The following ZKSCAN8 variants were observed in gnomAD, a reference collection of about 807,000 sequenced individuals.
The protein encoded by ZKSCAN8 is zinc finger with KRAB and SCAN domains 8.
ZKSCAN8 carries 27 observed loss-of-function variants against 57.2 expected under a neutral mutation model. That is an observed-to-expected ratio of 0.47 (90% confidence interval 0.35 to 0.65). The LOEUF (loss-of-function observed/expected upper bound fraction) is 0.65. Among genes scored for constraint, ZKSCAN8 ranks in the 30% least tolerant of loss-of-function variants. The probability of loss-of-function intolerance (pLI) is 0.01; values close to 1 mark genes in which losing one functional copy is unlikely to be tolerated. For missense variants in ZKSCAN8, 597 were observed against 696.3 expected, an observed-to-expected ratio of 0.86 and a Z score of 1.60; for synonymous variants, 214 against 248.7, an observed-to-expected ratio of 0.86 and a Z score of 1.31.
In ZKSCAN8 at chr6:28,152,567, C is replaced by T. The variant is rs181235078; in HGVS notation, c.775+183C>T. Among the ~76,000 whole-genome samples the T allele has an allele frequency of 3.6e-4, 51 of 143,206 alleles. No homozygotes were observed. In the East Asian group the frequency reaches 8.7e-3, roughly 24 times the overall value. 93.9% of individuals were successfully genotyped at this position (143,206 alleles called of 152,430 possible). On this transcript the variant is annotated intron_variant, in intron 5 of 5. Coordinates refer to ENST00000330236, the MANE Select transcript of ZKSCAN8 (RefSeq NM_006298.4). ...ACTTTTGTTCTCCTGTCCAGAACTT[C>T]CTTACATTTTGTACCAGGGTACTGG...
At chr6:28,149,419 T>C in intron 2 of ZKSCAN8, 64 bp from the exon 3 acceptor site, 1 of 1,593,926 alleles carries the variant, frequency 6.3e-7, no homozygotes, top group Non-Finnish European at 8.6e-7. Flanking sequence ...TTCGTGGTCC[T>C]CTTTCATTGT....
intron 1 of ZKSCAN8, among the ~76,000 whole-genome samples, chr6:28,142,580 A>G (rs565865180): frequency 2.0e-5 from 3 of 151,844 alleles, no homozygotes; most frequent in Non-Finnish European, 4.4e-5. Context: ...CATTATCAGA[A>G]TGCCTATTTC....
chr6:28,142,739 G>T lies in ZKSCAN8; in HGVS notation c.-93+710G>T, dbSNP rs373085837. Among the ~76,000 whole-genome samples the T allele has an allele frequency of 2.0e-3, 297 of 152,186 alleles. 1 individual carries two copies. Among genetic ancestry groups the T allele is most frequent in the African/African-American group, 5.5e-3 (227 of 41,510 alleles). On this transcript the variant is annotated intron_variant, in intron 1 of 5. Transcript: ENST00000330236. ...CATATTTCTGTTGTTTGTTAGTTCCGTTGAGTATATTTACGTAGCAATCAT... is the reference window on the plus strand; with the variant it reads ...CATATTTCTGTTGTTTGTTAGTTCCTTTGAGTATATTTACGTAGCAATCAT...
chr6:28,150,459 G>C (rs1339654862), intron 3 of ZKSCAN8, among the ~76,000 whole-genome samples: 6 of 152,096 alleles, frequency 3.9e-5, no homozygotes, highest in Non-Finnish European at 8.8e-5. Flanking sequence ...TATCTTTGAT[G>C]ACTTGGTTAA....
chr6:28,156,174 TAC>T lies in ZKSCAN8; in HGVS notation c.*2172_*2173del, dbSNP rs146825871. The T allele has an allele frequency of 2.7e-3, 897 of 326,806 alleles. 7 individuals carry two copies. Among genetic ancestry groups the T allele is most frequent in the African/African-American group, 0.013 (616 of 46,304 alleles). 20.2% of individuals were successfully genotyped at this position (326,806 alleles called of 1,614,324 possible). On this transcript the variant is annotated 3_prime_UTR_variant, in exon 6 of 6. Coordinates refer to ENST00000330236, the MANE Select transcript of ZKSCAN8 (RefSeq NM_006298.4). ...ATATGTGTATGTACACATGTGTATG[TAC>T]ACACACACACACACCTGCCATACAC...
At position 28,154,125 on chromosome 6, in the gene ZKSCAN8, G is replaced by T; in HGVS notation, c.*108G>T. ...GCAGAAAGGTCATCACAACTTTAGT[G>T]TCAGAATCTATAGTGGTGGCAAAGT... On this transcript the variant is annotated 3_prime_UTR_variant, in exon 6 of 6. Coordinates refer to ENST00000330236, the MANE Select transcript of ZKSCAN8 (RefSeq NM_006298.4). The T allele has an allele frequency of 6.8e-7, 1 of 1,467,054 alleles. No individual in the cohort carries two copies. Among genetic ancestry groups the T allele is most frequent in the Non-Finnish European group, 9.0e-7 (1 of 1,106,338 alleles). 90.9% of individuals were successfully genotyped at this position (1,467,054 alleles called of 1,614,324 possible). A position where few individuals can be genotyped will look rare whatever the true frequency, so the allele number is the denominator to read the frequency against.
At chr6:28,151,021 G>A (rs896117361) in intron 3 of ZKSCAN8, among the ~76,000 whole-genome samples, 13 of 152,080 alleles carry the variant, frequency 8.5e-5, no homozygotes, top group African/African-American at 3.1e-4. Flanking sequence ...GGCCAGGCTG[G>A]TCTCGAACTC....
At position 28,149,493 on chromosome 6, in the gene ZKSCAN8, G is replaced by A. The variant is rs1259018602; in HGVS notation, c.428G>A (p.Arg143His). The change falls in exon 3 of 6, where the codon CGC (arginine) becomes CAC (histidine). Residue 143 changes from arginine (R) to histidine (H), a missense_variant. By Grantham distance (29) the Arg-to-His change is conservative. Transcript: ENST00000330236. ...IDILGRPVSA[R>H]VHGHRVLWEE... ...GTCTGTTGTTTCCAGGTCTCAGCTC[G>A]CGTACATGGACATAGGGTACTCTGG... 10 of 1,613,644 alleles carry A rather than the reference G, an allele frequency of 6.2e-6. No homozygotes were observed. The highest frequency in any genetic ancestry group is 2.7e-5 in the African/African-American group (2 of 74,966).
At position 28,154,571 on chromosome 6, in the gene ZKSCAN8, T is replaced by C. The variant is rs6932313; in HGVS notation, c.*554T>C. ...AAGTGTGCATTTTTTTATTCTAATA[T>C]TCCTTCTAGTCAGTGGAAATTTGTA... On this transcript the variant is annotated 3_prime_UTR_variant, in exon 6 of 6. Transcript: ENST00000330236. 4,796 of 152,578 alleles carry C rather than the reference T, an allele frequency of 0.031. 194 individuals carry two copies. The highest frequency in any genetic ancestry group is 0.094 in the African/African-American group (3,906 of 41,538). 9.5% of individuals were successfully genotyped at this position (152,578 alleles called of 1,614,324 possible).
Position 28,144,067 on chromosome 6 carries a change from A to G in ZKSCAN8, c.-93+2038A>G, listed in dbSNP as rs547000775. ...CCAATGTTAATTGATATATTTAACC[A>G]TATCTTTTGCTCCTTGGTTCTTCTG... is the stretch of plus-strand genomic sequence containing the variant. On this transcript the variant is annotated intron_variant, in intron 1 of 5. Transcript: ENST00000330236. This position sits in a 1 kb window ranked among gnomAD's most constrained non-coding sequence, Gnocchi z 4.5. Among the ~76,000 whole-genome samples the G allele has an allele frequency of 6.6e-6, 1 of 152,134 alleles. No individual in the cohort carries two copies. Among genetic ancestry groups the G allele is most frequent in the Non-Finnish European group, 1.5e-5 (1 of 68,018 alleles).
At chr6:28,143,366 G>C (rs1037659756) in intron 1 of ZKSCAN8, among the ~76,000 whole-genome samples, 16 of 152,264 alleles carry the variant, frequency 1.1e-4, no homozygotes, top group African/African-American at 2.6e-4. Flanking sequence ...GGCTGATTTG[G>C]TATAAAAAAT....
Position 28,153,504 on chromosome 6 carries a change from C to A in ZKSCAN8, c.1224C>A (p.Cys408Ter). The A allele has an allele frequency of 6.2e-7, 1 of 1,611,348 alleles. No individual in the cohort carries two copies. Reference protein sequence around the residue: ...RIHTGEKPYQCNQCGKAFSQS... With the variant: ...RIHTGEKPYQ ...ACACTGGGGAGAAGCCATATCAGTG[C>A]AATCAGTGTGGGAAGGCTTTCAGTC... is the stretch of plus-strand genomic sequence containing the variant. The change falls in exon 6 of 6, where the codon TGC becomes TGA. Residue 408 changes from cysteine to a stop codon, truncating the protein, a stop_gained. Transcript: ENST00000330236. LOFTEE classifies it high-confidence loss of function.
Position 28,149,635 on chromosome 6 carries a change from A to G in ZKSCAN8, c.559+11A>G. 1 of 1,613,468 alleles carries G rather than the reference A, an allele frequency of 6.2e-7. No homozygotes were observed. Among genetic ancestry groups the G allele is most frequent in the Non-Finnish European group, 8.5e-7 (1 of 1,179,742 alleles). On this transcript the variant is annotated intron_variant, in intron 3 of 5. Coordinates refer to ENST00000330236, the MANE Select transcript of ZKSCAN8 (RefSeq NM_006298.4). Reference sequence around the variant, plus strand: ...AGTCACAAGAGAGAGGTGAGTAGCCAGATTTCATTGATGATAAGGGGGGGA... The same window carrying G: ...AGTCACAAGAGAGAGGTGAGTAGCCGGATTTCATTGATGATAAGGGGGGGA...
chr6:28,146,044 A>G (rs937468335), intron 1 of ZKSCAN8, among the ~76,000 whole-genome samples: 4 of 152,266 alleles, frequency 2.6e-5, no homozygotes, highest in African/African-American at 9.6e-5. Context: ...TAGGCAAGAG[A>G]TGATGTCTAT....
intron 1 of ZKSCAN8, among the ~76,000 whole-genome samples, chr6:28,147,918 G>A (rs1054859242): frequency 6.6e-6 from 1 of 152,220 alleles, no homozygotes; most frequent in Non-Finnish European, 1.5e-5. Context: ...AAGAGTAAGG[G>A]AAAGGTTGAG....
At chr6:28,145,950 T>G (rs1354269768) in intron 1 of ZKSCAN8, among the ~76,000 whole-genome samples, 1 of 152,220 alleles carries the variant, frequency 6.6e-6, no homozygotes, top group East Asian at 1.9e-4. Context: ...CATATCTTTT[T>G]GAGGGACACA....
chr6:28,153,967 C>T lies in ZKSCAN8; in HGVS notation c.1687C>T (p.Arg563Ter), dbSNP rs1300204615. 1.1e-5 allele frequency: 18 copies of T among 1,611,270 alleles called. No individual in the cohort carries two copies. Among genetic ancestry groups the T allele is most frequent in the Non-Finnish European group, 1.4e-5 (16 of 1,179,048 alleles). ...KAFIQRSSLI[R>*]HQRIHSGEKS... ...CTTTATTCAGAGGTCAAGTCTCATT[C>T]GACATCAGAGAATCCACAGTGGTGA... Residue 563 changes from arginine (R) to a stop codon, truncating the protein, a stop_gained, in exon 6 of 6, where the codon CGA becomes TGA. Transcript: ENST00000330236. LOFTEE classifies it high-confidence loss of function.
In ZKSCAN8 at chr6:28,156,485, G is replaced by A. The variant is rs1484646785; in HGVS notation, c.*2468G>A. ...TGGGTGTGAGAAAAGACTGTGTCTT[G>A]AAAGAATTATCAAAGCTGATACAGC... On this transcript the variant is annotated 3_prime_UTR_variant, in exon 6 of 6. Coordinates refer to ENST00000330236, the MANE Select transcript of ZKSCAN8 (RefSeq NM_006298.4). 3.0e-6 allele frequency: 1 copy of A among 329,566 alleles called. No individual in the cohort carries two copies. The highest frequency in any genetic ancestry group is 1.6e-4 in the South Asian group (1 of 6,412). The allele number at this position is 329,566 out of a possible 1,614,324, so 20.4% of individuals were successfully genotyped here.
intron 1 of ZKSCAN8, among the ~76,000 whole-genome samples, chr6:28,147,843 A>G (rs961605721): frequency 6.6e-6 from 1 of 152,236 alleles, no homozygotes; most frequent in Non-Finnish European, 1.5e-5. Flanking sequence ...GGAGAAGAGC[A>G]AAGTGTTAGG....
Sources: allele counts gnomAD v4.1 joint callset (sites outside exome capture counted in the v4.1 genomes callset), GRCh38; gene constraint gnomAD v4.1.1; non-coding constraint Gnocchi (gnomAD v3.1); transcripts MANE v1.5; gene names NCBI Gene and HGNC (gene_info 2026-07-23, HGNC 2026-07-21).